SIM2: variants seen among roughly 807,000 people sequenced by gnomAD.
SIM2 encodes the protein SIM bHLH transcription factor 2.
SIM2 carries 28 observed loss-of-function variants against 64.8 expected under a neutral mutation model. That is an observed-to-expected ratio of 0.43 (90% CI 0.32 to 0.59). The LOEUF (loss-of-function observed/expected upper bound fraction) is 0.59. SIM2 is among the 20% of genes least tolerant of loss of function. The pLI is 0.07. For synonymous variants in SIM2, 408 were observed against 391.1 expected, an observed-to-expected ratio of 1.04 and a Z score of -0.51; for missense variants, 847 against 871.4, an observed-to-expected ratio of 0.97 and a Z score of 0.35.
chr21:36,734,322 G>A (rs1396790340), intron 7 of SIM2, among the ~76,000 whole-genome samples: 1 of 152,172 alleles, frequency 6.6e-6, no homozygotes, highest in Non-Finnish European at 1.5e-5. Flanking sequence ...TTGTCCAAGG[G>A]GACTCTGAAA....
At chr21:36,712,271 T>G (rs2088687470) in intron 2 of SIM2, among the ~76,000 whole-genome samples, 1 of 152,220 alleles carries the variant, frequency 6.6e-6, no homozygotes, top group Non-Finnish European at 1.5e-5. Flanking sequence ...AATTCTCAAA[T>G]GTTTTGCATG....
At position 36,743,434 on chromosome 21, in the gene SIM2, C is replaced by T. The variant is rs755157848; in HGVS notation, c.1046C>T (p.Thr349Ile). 1.2e-6 allele frequency: 2 copies of T among 1,614,014 alleles called. No individual in the cohort carries two copies. Among genetic ancestry groups the T allele is most frequent in the South Asian group, 2.2e-5 (2 of 91,068 alleles). Reference protein sequence around the residue: ...ELQLSLEQVSTAKSQDSWRTA... With the variant: ...ELQLSLEQVSIAKSQDSWRTA... ...CAGCTGTCCCTGGAGCAGGTGTCCA[C>T]TGCCAAGTCCCAGGACTCCTGGAGG... Residue 349 changes from threonine to isoleucine, a missense_variant, in exon 9 of 11, where the codon ACT becomes ATT. Around this residue, in one of 3 missense-constraint regions of SIM2, gnomAD observed 447 missense variants for 414.6 expected, o/e 1.08. Coordinates refer to ENST00000290399, the MANE Select transcript of SIM2 (RefSeq NM_005069.6).
chr21:36,745,650 C>G lies in SIM2; in HGVS notation c.1576+514C>G. 1 of 1,159,678 alleles carries G rather than the reference C, an allele frequency of 8.6e-7. No individual in the cohort carries two copies. 71.8% of individuals were successfully genotyped at this position (1,159,678 alleles called of 1,614,324 possible). On this transcript the variant is annotated intron_variant, in intron 10 of 10. Transcript: ENST00000290399. The surrounding 1 kb of genome is among the most constrained non-coding windows in gnomAD (Gnocchi z 4.8). ...ACCAACCCAGGGCAAAGAACACAAA[C>G]CCTCCAGGCCTCAGTTTCTTCACCT...
intron 1 of SIM2, among the ~76,000 whole-genome samples, chr21:36,702,861 C>T (rs1258022598): frequency 6.8e-6 from 1 of 147,588 alleles, no homozygotes; most frequent in Non-Finnish European, 1.5e-5. Flanking sequence ...AGGAATTGAT[C>T]TGCCAAGGGC....
intron 6 of SIM2, among the ~76,000 whole-genome samples, chr21:36,727,354 T>A (rs2088905628): frequency 6.6e-6 from 1 of 152,198 alleles, no homozygotes; most frequent in Non-Finnish European, 1.5e-5. Context: ...ATTGAATTTT[T>A]AAGTGACAAA....
intron 3 of SIM2, among the ~76,000 whole-genome samples, chr21:36,713,530 C>T (rs911906400): frequency 2.6e-5 from 4 of 152,114 alleles, no homozygotes; most frequent in African/African-American, 4.8e-5. Flanking sequence ...GATTTTTCAC[C>T]GTGACTGAAG....
chr21:36,742,590 G>A (rs2089176753), intron 8 of SIM2, among the ~76,000 whole-genome samples: 1 of 152,106 alleles, frequency 6.6e-6, no homozygotes, highest in Non-Finnish European at 1.5e-5. Context: ...AGAAGCAATA[G>A]GACAGATGTC....
In SIM2 at chr21:36,749,185, T is replaced by C. The variant is rs1486647680; in HGVS notation, c.*1093T>C. The C allele has an allele frequency of 6.5e-6, 1 of 152,692 alleles. No homozygotes were observed. Among genetic ancestry groups the C allele is most frequent in the Non-Finnish European group, 1.5e-5 (1 of 68,042 alleles). 9.5% of individuals were successfully genotyped at this position (152,692 alleles called of 1,614,324 possible). A position where few individuals can be genotyped will look rare whatever the true frequency, so the allele number is the denominator to read the frequency against. ...TGTTTAAAAAATGAGCTTCCATTAATTTTTACTTTTTATGGGTTTTGCTTA... is the reference window on the plus strand; with the variant it reads ...TGTTTAAAAAATGAGCTTCCATTAACTTTTACTTTTTATGGGTTTTGCTTA... On this transcript the variant is annotated 3_prime_UTR_variant, in exon 11 of 11. Transcript: ENST00000290399.
Position 36,719,810 on chromosome 21 carries a change from T to G in SIM2, c.349-11T>G. 2 of 1,573,022 alleles carry G rather than the reference T, an allele frequency of 1.3e-6. No homozygotes were observed. The highest frequency in any genetic ancestry group is 4.5e-5 in the East Asian group (2 of 44,652). On this transcript the variant is annotated splice_polypyrimidine_tract_variant and intron_variant, in intron 3 of 10. Transcript: ENST00000290399. ...GGCGGTGGCATTTCTGACCCTTCCCTTCCACGGCAGGTGGAGCTCACGGGC... is the reference window on the plus strand; with the variant it reads ...GGCGGTGGCATTTCTGACCCTTCCCGTCCACGGCAGGTGGAGCTCACGGGC...
intron 1 of SIM2, among the ~76,000 whole-genome samples, chr21:36,703,190 A>T (rs555516663): frequency 2.8e-4 from 42 of 152,276 alleles, no homozygotes; most frequent in African/African-American, 9.9e-4. Context: ...CAGAAAGAGG[A>T]ACTCAGAGGG....
chr21:36,708,087 C>G (rs2123423543), intron 1 of SIM2, among the ~76,000 whole-genome samples: 1 of 152,332 alleles, frequency 6.6e-6, no homozygotes, highest in South Asian at 2.1e-4. Flanking sequence ...GCGTTGTCCT[C>G]CGGGGAGGTT....
chr21:36,702,757 C>A (rs2088520503), intron 1 of SIM2, among the ~76,000 whole-genome samples: 1 of 151,818 alleles, frequency 6.6e-6, no homozygotes, highest in Non-Finnish European at 1.5e-5. Flanking sequence ...AGGGTGGTGG[C>A]CCTAGGGAGG....
intron 5 of SIM2, among the ~76,000 whole-genome samples, chr21:36,724,682 T>C (rs2088867020): frequency 6.6e-6 from 1 of 152,154 alleles, no homozygotes; most frequent in African/African-American, 2.4e-5. Context: ...ATTAGTAAAA[T>C]GGGAGAATAG....
In SIM2 at chr21:36,717,371, T is replaced by C. The variant is rs1568929272; in HGVS notation, c.349-2450T>C. Among the ~76,000 whole-genome samples the C allele has an allele frequency of 2.0e-5, 3 of 152,316 alleles. No homozygotes were observed. The South Asian group carries it at 6.2e-4, about 32-fold the overall frequency. On this transcript the variant is annotated intron_variant, in intron 3 of 10. Transcript: ENST00000290399. Reference sequence around the variant, plus strand: ...ACGATAGGCCAATATAACATTTCTCTATTTTGTTATTTTTTCATTTTTAAA... The same window carrying C: ...ACGATAGGCCAATATAACATTTCTCCATTTTGTTATTTTTTCATTTTTAAA...
Position 36,702,939 on chromosome 21 carries a change from G to GAAA in SIM2, c.175+3020_175+3021insAAA, listed in dbSNP as rs141068741. ...AGAGACCAGCTTAGGACTCTGGGAG[G>GAAA]AAGAAAAAAAAAAAAAGAATAGCAT... On this transcript the variant is annotated intron_variant, in intron 1 of 10. Transcript: ENST00000290399. Among the ~76,000 whole-genome samples the GAAA allele has an allele frequency of 4.1e-4, 54 of 131,134 alleles. 6 individuals are homozygous for GAAA. Among genetic ancestry groups the GAAA allele is most frequent in the African/African-American group, 7.0e-4 (22 of 31,250 alleles). 86.0% of individuals were successfully genotyped at this position (131,134 alleles called of 152,430 possible).
chr21:36,744,162 G>A (rs1178638223), intron 9 of SIM2, among the ~76,000 whole-genome samples: 2 of 152,130 alleles, frequency 1.3e-5, no homozygotes, highest in Non-Finnish European at 2.9e-5. Flanking sequence ...AACCCGGGAG[G>A]TGGAGGTTGC....
At position 36,733,029 on chromosome 21, in the gene SIM2, G is replaced by A. The variant is rs532913117; in HGVS notation, c.850+1878G>A. On this transcript the variant is annotated intron_variant, in intron 7 of 10. Transcript: ENST00000290399. ...ACGCTCCCCCTGCCACTGTTGGGGC[G>A]GAGGGGCTGACCAGCTGTTCTAAGG... Among the ~76,000 whole-genome samples the A allele has an allele frequency of 7.2e-5, 11 of 152,282 alleles. No homozygotes were observed. The East Asian group carries it at 7.7e-4, about 11-fold the overall frequency.
At chr21:36,722,538 A>G (rs964280681) in intron 4 of SIM2, among the ~76,000 whole-genome samples, 1 of 152,198 alleles carries the variant, frequency 6.6e-6, no homozygotes, top group African/African-American at 2.4e-5. Context: ...TGCATTGACA[A>G]TAGTGAGGTC....
intron 3 of SIM2, among the ~76,000 whole-genome samples, chr21:36,714,292 A>T (rs1251236456): frequency 6.6e-6 from 1 of 152,224 alleles, no homozygotes; most frequent in Non-Finnish European, 1.5e-5. Context: ...AACATTTCAC[A>T]CACTTTTAAA....
Sources: gnomAD v4.1 joint callset for allele counts (sites outside exome capture counted in the v4.1 genomes callset) on GRCh38, gnomAD v4.1.1 for gene constraint, gnomAD v4.1.1 regional missense constraint, Gnocchi (gnomAD v3.1) non-coding constraint, MANE v1.5 for transcripts, NCBI Gene and HGNC (gene_info 2026-07-23, HGNC 2026-07-21) for gene names.